OTOGL: variants seen among roughly 807,000 people sequenced by gnomAD.
OTOGL encodes otogelin-like protein.
OTOGL carries 285 observed loss-of-function variants against 318.5 expected under a neutral mutation model. The observed-to-expected ratio is 0.89, with a 90% CI of 0.81 to 0.99. OTOGL has a LOEUF of 0.99. Ranked by LOEUF, OTOGL falls within the 50% of genes least tolerant of loss-of-function variation. The probability of loss-of-function intolerance (pLI) is 0.00; values close to 1 mark genes in which losing one functional copy is unlikely to be tolerated. For synonymous variants in OTOGL, 987 were observed against 936.5 expected (o/e 1.05, Z -0.99); for missense variants, 2,899 against 2,845.6 (o/e 1.02, Z -0.43).
chr12:80,245,027 ATTTG>A (rs1880747735), intron 11 of OTOGL, among the ~76,000 whole-genome samples: 1 of 145,598 alleles, frequency 6.9e-6, no homozygotes, highest in African/African-American at 2.8e-5. Flanking sequence ...TTTCTTGTAA[ATTTG>A]TTTGAGTTCA....
intron 28 of OTOGL, among the ~76,000 whole-genome samples, chr12:80,303,047 T>C (rs1885871403): frequency 6.6e-6 from 1 of 152,248 alleles, no homozygotes. Flanking sequence ...TCAGCTTAAT[T>C]ATGTGATCTG....
intron 27 of OTOGL, among the ~76,000 whole-genome samples, chr12:80,302,240 T>C (rs571343753): frequency 6.6e-6 from 1 of 152,294 alleles, no homozygotes. Flanking sequence ...AGGAACAAAT[T>C]TCTCTCTTTT....
intron 30 of OTOGL, among the ~76,000 whole-genome samples, chr12:80,313,218 C>A (rs567134744): frequency 2.4e-4 from 36 of 152,124 alleles, no homozygotes; most frequent in Non-Finnish European, 4.9e-4. Context: ...AAAAATTAAT[C>A]TGTTATATTG....
intron 42 of OTOGL, 47 bp downstream of exon 42, chr12:80,337,051 A>G (rs770474782): frequency 1.7e-5 from 23 of 1,354,644 alleles, no homozygotes; most frequent in African/African-American, 7.3e-5. Context: ...ATGAAAATAA[A>G]TTATACAAAC....
intron 1 of OTOGL, among the ~76,000 whole-genome samples, chr12:80,144,172 C>G (rs1204999240): frequency 6.6e-6 from 1 of 152,016 alleles, no homozygotes; most frequent in Non-Finnish European, 1.5e-5. Context: ...CGTCATCTAG[C>G]ATTAGGTGTA....
chr12:80,251,083 TG>T (rs1881501729), intron 11 of OTOGL, among the ~76,000 whole-genome samples: 1 of 152,212 alleles, frequency 6.6e-6, no homozygotes, highest in South Asian at 2.1e-4. Context: ...ACAACCCAAT[TG>T]CCCATCAGTG....
chr12:80,377,812 G>C (rs1310424483), intron 58 of OTOGL, 36 bp from the exon 59 acceptor site: 3 of 1,500,328 alleles, frequency 2.0e-6, no homozygotes, highest in Admixed American at 1.9e-5. Context: ...ACTTTTAAAA[G>C]TTTAAGACTT....
intron 46 of OTOGL, among the ~76,000 whole-genome samples, chr12:80,354,898 C>T (rs531236186): frequency 7.7e-4 from 117 of 152,152 alleles, no homozygotes; most frequent in African/African-American, 2.7e-3. Flanking sequence ...AAGTAATAGT[C>T]ACTACATAAT....
intron 11 of OTOGL, among the ~76,000 whole-genome samples, chr12:80,240,129 C>A (rs987191051): frequency 2.0e-5 from 3 of 151,974 alleles, no homozygotes; most frequent in African/African-American, 7.3e-5. Context: ...CATTCATCCA[C>A]TGATGGACAC....
At position 80,363,912 on chromosome 12, in the gene OTOGL, T is replaced by A. The variant is rs141195155; in HGVS notation, c.6268-2662T>A. On this transcript the variant is annotated intron_variant, in intron 52 of 58. Coordinates refer to ENST00000547103, the MANE Select transcript of OTOGL (RefSeq NM_001378609.3). Reference sequence around the variant, plus strand: ...GTCTGGTTGTGACCTTAGCTCTGTTTTTTATTTATTTATTTATTTTTTCCC... The same window carrying A: ...GTCTGGTTGTGACCTTAGCTCTGTTATTTATTTATTTATTTATTTTTTCCC... Among the ~76,000 whole-genome samples the A allele has an allele frequency of 6.0e-4, 91 of 152,146 alleles. 1 individual carries two copies. Among genetic ancestry groups the A allele is most frequent in the African/African-American group, 1.3e-3 (55 of 41,526 alleles).
chr12:80,328,599 G>A, intron 35 of OTOGL, 66 bp from the exon 36 acceptor site: 4 of 1,154,132 alleles, frequency 3.5e-6, no homozygotes, highest in African/African-American at 1.6e-5. Flanking sequence ...TATGTTAAAT[G>A]TAGTCCTTTT....
In OTOGL at chr12:80,270,172, G is replaced by A. The variant is rs11114378; in HGVS notation, c.2518+18G>A. On this transcript the variant is annotated intron_variant, in intron 23 of 58. Coordinates refer to ENST00000547103, the MANE Select transcript of OTOGL (RefSeq NM_001378609.3). Reference sequence around the variant, plus strand: ...CTCTGCTGGTAAGATCTTAAAAGATGTTTTCCTGAATGAGGGTTCAGCTCT... The same window carrying A: ...CTCTGCTGGTAAGATCTTAAAAGATATTTTCCTGAATGAGGGTTCAGCTCT... The A allele has an allele frequency of 0.09, 142,575 of 1,580,344 alleles. 7,074 individuals carry two copies. Among genetic ancestry groups the A allele is most frequent in the Middle Eastern group, 0.15 (901 of 5,976 alleles).
At chr12:80,228,386 G>A (rs921725424) in intron 7 of OTOGL, among the ~76,000 whole-genome samples, 2 of 152,058 alleles carry the variant, frequency 1.3e-5, no homozygotes, top group South Asian at 4.1e-4. Context: ...AGGTTTCAGG[G>A]AGCTGCAATC....
chr12:80,361,065 T>C (rs1348677998), intron 52 of OTOGL: 1 of 152,112 alleles, frequency 6.6e-6, no homozygotes, highest in Non-Finnish European at 1.5e-5. Flanking sequence ...TGTTTTATAA[T>C]AGATCTCTTG....
At chr12:80,168,965 C>T (rs921784190) in intron 1 of OTOGL, among the ~76,000 whole-genome samples, 1 of 152,174 alleles carries the variant, frequency 6.6e-6, no homozygotes, top group Non-Finnish European at 1.5e-5. Context: ...GGCATTTATT[C>T]ATCCCCAAAG....
At chr12:80,213,260 C>G (rs903351332) in intron 4 of OTOGL, among the ~76,000 whole-genome samples, 1 of 152,240 alleles carries the variant, frequency 6.6e-6, no homozygotes, top group South Asian at 2.1e-4. Flanking sequence ...ACTGTCATGG[C>G]GTTGGTGGGA....
chr12:80,208,510 A>G (rs796246669), intron 1 of OTOGL, among the ~76,000 whole-genome samples: 9 of 152,200 alleles, frequency 5.9e-5, no homozygotes, highest in African/African-American at 1.9e-4. Flanking sequence ...TGCTGTAGAA[A>G]TGTGCACCCA....
chr12:80,239,311 A>G, intron 10 of OTOGL, 22 bp from the exon 11 acceptor site: 1 of 1,516,808 alleles, frequency 6.6e-7, no homozygotes, highest in Non-Finnish European at 9.1e-7. Flanking sequence ...TAGTCTAGTG[A>G]CTGCCATCTT....
At chr12:80,117,075 A>G (rs1459032817) in intron 1 of OTOGL, among the ~76,000 whole-genome samples, 1 of 152,144 alleles carries the variant, frequency 6.6e-6, no homozygotes, top group Non-Finnish European at 1.5e-5. Flanking sequence ...GCCCATATGG[A>G]GTTGGTCATC....
Sources: allele counts gnomAD v4.1 joint callset (sites outside exome capture counted in the v4.1 genomes callset), GRCh38; gene constraint gnomAD v4.1.1; transcripts MANE v1.5; gene names NCBI Gene and HGNC (gene_info 2026-07-23, HGNC 2026-07-21).